PHF14: variants seen among roughly 807,000 people sequenced by gnomAD.
PHF14 encodes PHD finger protein 14.
In PHF14, 55 loss-of-function variants were observed where a neutral mutation model predicts 117.9. The observed-to-expected ratio is 0.47, with a 90% CI of 0.38 to 0.58. PHF14 has a LOEUF of 0.58. Ranked by LOEUF, PHF14 falls within the 20% of genes least tolerant of loss-of-function variation. The pLI is 0.00. For synonymous variants in PHF14, 409 were observed against 368.6 expected, an observed-to-expected ratio of 1.11 and a Z score of -1.26; for missense variants, 978 against 1,122.2, an observed-to-expected ratio of 0.87 and a Z score of 1.84.
At chr7:10,989,010 A>G (rs1782346587) in intron 3 of PHF14, among the ~76,000 whole-genome samples, 1 of 152,166 alleles carries the variant, frequency 6.6e-6, no homozygotes, top group Admixed American at 6.5e-5. Flanking sequence ...GTAAAACCAG[A>G]TGAGTTTTCT....
At chr7:11,071,867 C>G (rs1368446660) in intron 16 of PHF14, among the ~76,000 whole-genome samples, 1 of 152,164 alleles carries the variant, frequency 6.6e-6, no homozygotes, top group Non-Finnish European at 1.5e-5. Context: ...CCATTTTATT[C>G]ATTCTTCAAC....
chr7:11,102,496 T>C, intron 16 of PHF14: 1 of 1,608,232 alleles, frequency 6.2e-7, no homozygotes, highest in Non-Finnish European at 8.5e-7. Context: ...ATACCCTTCA[T>C]GAGACCCAAC....
At chr7:11,108,178 G>A (rs1006045425) in intron 16 of PHF14, 1 of 151,610 alleles carries the variant, frequency 6.6e-6, no homozygotes, top group Non-Finnish European at 1.5e-5. Context: ...CCAGTAAGAT[G>A]TTTCTGTGAT....
rs967139462 is a variant in PHF14 at position 11,100,299 on chromosome 7, T to C, written c.2655-11051T>C. Among the ~76,000 whole-genome samples, 5 of 151,968 alleles carry C rather than the reference T, an allele frequency of 3.3e-5. No homozygotes were observed. In the South Asian group the frequency reaches 8.3e-4, roughly 25 times the overall value. On this transcript the variant is annotated intron_variant, in intron 16 of 17. Transcript: ENST00000634607. Reference sequence around the variant, plus strand: ...CAGCAAAATGTTATTTTTAAGTCATTTTGGCCTGGGAATTATAGTAATGAT... The same window carrying C: ...CAGCAAAATGTTATTTTTAAGTCATCTTGGCCTGGGAATTATAGTAATGAT...
intron 17 of PHF14, among the ~76,000 whole-genome samples, chr7:11,112,470 TTTATTTAAAA>T (rs1465608777): frequency 6.6e-6 from 1 of 152,178 alleles, no homozygotes; most frequent in Non-Finnish European, 1.5e-5. Flanking sequence ...AATATCAGAA[TTTATTTAAAA>T]TTATACACAT....
intron 14 of PHF14, among the ~76,000 whole-genome samples, chr7:11,056,868 A>G (rs926925787): frequency 6.6e-6 from 1 of 150,676 alleles, no homozygotes; most frequent in African/African-American, 2.4e-5. Flanking sequence ...ATTTTTGAAT[A>G]GCTGCCAGAA....
intron 16 of PHF14, chr7:11,063,440 T>C: frequency 1.7e-5 from 17 of 973,526 alleles, no homozygotes; most frequent in Non-Finnish European, 2.1e-5. Flanking sequence ...ATAACAATCT[T>C]ATATAATGAA....
At chr7:10,993,339 G>A (rs1253982472) in intron 4 of PHF14, among the ~76,000 whole-genome samples, 1 of 152,130 alleles carries the variant, frequency 6.6e-6, no homozygotes, top group African/African-American at 2.4e-5. Context: ...CTGGGAGTCT[G>A]CTGGACTTGT....
At chr7:10,999,695 A>G (rs919372377) in intron 4 of PHF14, among the ~76,000 whole-genome samples, 1 of 152,194 alleles carries the variant, frequency 6.6e-6, no homozygotes, top group Non-Finnish European at 1.5e-5. Context: ...CTTCAGATGA[A>G]TAGCCTCGGT....
chr7:11,043,888 T>G (rs1784577117), intron 13 of PHF14, among the ~76,000 whole-genome samples: 1 of 152,058 alleles, frequency 6.6e-6, no homozygotes, highest in Non-Finnish European at 1.5e-5. Context: ...CATGAACTTA[T>G]ATAGAGTTAT....
intron 17 of PHF14, among the ~76,000 whole-genome samples, chr7:11,160,574 T>G (rs940359718): frequency 6.6e-6 from 1 of 152,216 alleles, no homozygotes; most frequent in Non-Finnish European, 1.5e-5. Flanking sequence ...TTTTGACTTT[T>G]TAATAATAGC....
chr7:11,008,513 A>G (rs147127007), intron 4 of PHF14, among the ~76,000 whole-genome samples: 210 of 152,224 alleles, frequency 1.4e-3, no homozygotes, highest in Non-Finnish European at 2.4e-3. Flanking sequence ...AACTGCACAT[A>G]TGAGGGATCT....
At chr7:11,056,804 G>T (rs950921456) in intron 14 of PHF14, among the ~76,000 whole-genome samples, 6 of 147,728 alleles carry the variant, frequency 4.1e-5, no homozygotes, top group African/African-American at 1.2e-4. Flanking sequence ...TATATTCTTA[G>T]GAATTAAATA....
rs576839489 is a variant in PHF14 at position 11,162,829 on chromosome 7, G to A, written c.2773-6587G>A. Among the ~76,000 whole-genome samples, 8 of 151,948 alleles carry A rather than the reference G, an allele frequency of 5.3e-5. No homozygotes were observed. The South Asian group carries it at 1.0e-3, about 20-fold the overall frequency. On this transcript the variant is annotated intron_variant, in intron 17 of 17. Coordinates refer to ENST00000634607, the MANE Select transcript of PHF14 (RefSeq NM_001007157.2). ...GCCTCCCGAGTGGCCGGGATTACAG[G>A]CACACACCACCACTGCCCTATTTCT... is the stretch of plus-strand genomic sequence containing the variant.
At chr7:11,110,407 C>G (rs1787405034) in intron 16 of PHF14, 1 of 179,580 alleles carries the variant, frequency 5.6e-6, no homozygotes, top group Admixed American at 6.6e-5. Context: ...GTAATCCCTT[C>G]TATAAGATGT....
At chr7:10,977,844 A>C (rs1303177585) in intron 2 of PHF14, among the ~76,000 whole-genome samples, 1 of 152,190 alleles carries the variant, frequency 6.6e-6, no homozygotes, top group Non-Finnish European at 1.5e-5. Flanking sequence ...TCATGGTTTT[A>C]CCTAGTTAAA....
intron 17 of PHF14, among the ~76,000 whole-genome samples, chr7:11,112,909 A>G (rs1787490994): frequency 6.6e-6 from 1 of 152,102 alleles, no homozygotes; most frequent in South Asian, 2.1e-4. Flanking sequence ...GCATTTTATT[A>G]AGGCCTAGAT....
chr7:11,088,950 AAAT>A (rs1786533536), intron 16 of PHF14, among the ~76,000 whole-genome samples: 1 of 152,338 alleles, frequency 6.6e-6, no homozygotes, highest in East Asian at 1.9e-4. Context: ...AGGGAACAAA[AAAT>A]GAGCATGGTA....
chr7:11,046,063 T>G (rs918431210), intron 13 of PHF14, among the ~76,000 whole-genome samples: 1 of 152,172 alleles, frequency 6.6e-6, no homozygotes, highest in African/African-American at 2.4e-5. Context: ...GGTGAAGAAT[T>G]CCACAGAGAA....
Sources: gnomAD v4.1 joint callset for allele counts (sites outside exome capture counted in the v4.1 genomes callset) on GRCh38, gnomAD v4.1.1 for gene constraint, MANE v1.5 for transcripts, NCBI Gene and HGNC (gene_info 2026-07-23, HGNC 2026-07-21) for gene names.